Variants in FGD5 observed in about 807,000 individuals in gnomAD.
FGD5 encodes FYVE, RhoGEF and PH domain containing 5.
In FGD5, 28 loss-of-function variants were observed where a neutral mutation model predicts 133.4. The observed-to-expected ratio is 0.21, with a 90% confidence interval of 0.16 to 0.29. The LOEUF (loss-of-function observed/expected upper bound fraction) is 0.29. FGD5 is among the 10% of genes least tolerant of loss of function. The pLI, the probability that FGD5 is intolerant of heterozygous loss-of-function variation, is 1.00. For missense variants in FGD5, 1,858 were observed against 1,895.2 expected (o/e 0.98, Z 0.36); for synonymous variants, 810 against 776.5 (o/e 1.04, Z -0.72).
chr3:14,846,835 A>C (rs1194174637), intron 1 of FGD5, among the ~76,000 whole-genome samples: 1 of 152,240 alleles, frequency 6.6e-6, no homozygotes, highest in Non-Finnish European at 1.5e-5. Flanking sequence ...GGAAGAATGA[A>C]CCATGATGAA....
intron 11 of FGD5, among the ~76,000 whole-genome samples, chr3:14,913,959 A>G (rs1559503937): frequency 6.6e-6 from 1 of 151,606 alleles, no homozygotes; most frequent in Non-Finnish European, 1.5e-5. Context: ...CCCGTCTGGC[A>G]TGGCCCTTTA....
chr3:14,875,352 G>T (rs963007457), intron 2 of FGD5, among the ~76,000 whole-genome samples: 7 of 152,296 alleles, frequency 4.6e-5, no homozygotes, highest in Admixed American at 4.6e-4. Context: ...AGAGGCTGGC[G>T]CATACGGGGC....
At chr3:14,879,914 C>T (rs2037792862) in intron 2 of FGD5, among the ~76,000 whole-genome samples, 1 of 152,152 alleles carries the variant, frequency 6.6e-6, no homozygotes. Flanking sequence ...TACAGGGAAC[C>T]ACAGGTTGCT....
At chr3:14,836,432 T>G (rs7621981) in intron 1 of FGD5, among the ~76,000 whole-genome samples, 75,449 of 151,632 alleles carry the variant, frequency 0.5, 19,246 homozygotes, top group Non-Finnish European at 0.54. Flanking sequence ...GCCTCTGGGG[T>G]GAGGAGACCT....
At chr3:14,836,976 T>A (rs780200824) in intron 1 of FGD5, among the ~76,000 whole-genome samples, 1 of 152,128 alleles carries the variant, frequency 6.6e-6, no homozygotes, top group Non-Finnish European at 1.5e-5. Flanking sequence ...GGGGACCACA[T>A]GCACAGAAGC....
intron 1 of FGD5, among the ~76,000 whole-genome samples, chr3:14,855,445 A>C (rs1332245201): frequency 6.6e-6 from 1 of 152,184 alleles, no homozygotes. Flanking sequence ...TGTTCTCCAT[A>C]GTGGCTCTAC....
At chr3:14,852,391 C>T (rs969099309) in intron 1 of FGD5, among the ~76,000 whole-genome samples, 3 of 152,174 alleles carry the variant, frequency 2.0e-5, no homozygotes, top group African/African-American at 7.2e-5. Flanking sequence ...TAGGCAAATC[C>T]GTAGAGACGG....
intron 2 of FGD5, among the ~76,000 whole-genome samples, chr3:14,869,448 A>G (rs564713809): frequency 1.3e-5 from 2 of 152,344 alleles, no homozygotes; most frequent in Admixed American, 6.5e-5. Flanking sequence ...TACACATAAC[A>G]TAAAATCCAC....
chr3:14,870,597 C>CCT (rs1180056764), intron 2 of FGD5, among the ~76,000 whole-genome samples: 1 of 152,166 alleles, frequency 6.6e-6, no homozygotes, highest in African/African-American at 2.4e-5. Flanking sequence ...CTGTCTTAGG[C>CCT]ATTTCCCAAG....
chr3:14,868,560 T>G (rs1052279697), intron 2 of FGD5, among the ~76,000 whole-genome samples: 4 of 152,242 alleles, frequency 2.6e-5, no homozygotes, highest in Non-Finnish European at 4.4e-5. Context: ...ACTTTCTCTG[T>G]GCTATGGACT....
chr3:14,851,444 A>T (rs1036296797), intron 1 of FGD5, among the ~76,000 whole-genome samples: 2 of 152,156 alleles, frequency 1.3e-5, no homozygotes, highest in African/African-American at 4.8e-5. Context: ...ACTGTCCTTT[A>T]CTGCAGTCCC....
chr3:14,921,960 A>C lies in FGD5; in HGVS notation c.3612A>C (p.Arg1204Ser), dbSNP rs1423217211. The change falls in exon 14 of 20, where the codon AGA becomes AGC. Residue 1204 changes from arginine (R) to serine (S), a missense_variant. Arg to Ser is a moderately radical substitution (Grantham distance 110). This residue lies in a region of FGD5 where 1,824 missense variants were observed against 1,848.9 expected (regional missense o/e 0.99). Transcript: ENST00000285046. ...ERDEWYGCLS[R>S]ALPEDYKAQA... ...ACGAGTGGTATGGCTGTCTGAGCAG[A>C]GCCCTCCCTGAGGACTACAAGGCCC... The C allele has an allele frequency of 6.4e-7, 1 of 1,572,248 alleles. No homozygotes were observed.
intron 2 of FGD5, among the ~76,000 whole-genome samples, chr3:14,866,470 C>A (rs17040424): frequency 0.091 from 13,860 of 152,054 alleles, 810 homozygotes; most frequent in East Asian, 0.3. Context: ...ACTCCCAGGA[C>A]TAAGGAGCTA....
intron 4 of FGD5, among the ~76,000 whole-genome samples, chr3:14,889,734 A>G (rs2037989722): frequency 6.6e-6 from 1 of 152,142 alleles, no homozygotes; most frequent in Non-Finnish European, 1.5e-5. Flanking sequence ...ACTTGTGGCC[A>G]TTCTGCTGAT....
intron 2 of FGD5, among the ~76,000 whole-genome samples, chr3:14,873,910 T>G (rs1467025715): frequency 6.6e-6 from 1 of 151,898 alleles, no homozygotes; most frequent in Non-Finnish European, 1.5e-5. Context: ...TTAGTAGAGA[T>G]GGGGTTTCAC....
At chr3:14,874,148 C>T (rs1446873898) in intron 2 of FGD5, among the ~76,000 whole-genome samples, 2 of 152,212 alleles carry the variant, frequency 1.3e-5, no homozygotes, top group African/African-American at 4.8e-5. Context: ...TGTGAATGAA[C>T]TTGGAGGGCT....
chr3:14,822,117 G>GAAAAGA (rs1451461331), intron 1 of FGD5, among the ~76,000 whole-genome samples: 1 of 148,306 alleles, frequency 6.7e-6, no homozygotes, highest in African/African-American at 2.6e-5. Flanking sequence ...AAAAAAAAAA[G>GAAAAGA]AAAAGAAAAA....
At chr3:14,864,029 T>A in intron 1 of FGD5, 99 bp from the exon 2 acceptor site, 1 of 1,523,508 alleles carries the variant, frequency 6.6e-7, no homozygotes, top group South Asian at 1.2e-5. Flanking sequence ...TCTTACTACT[T>A]GTTTTCTGTC....
chr3:14,852,656 G>T (rs1194086335), intron 1 of FGD5, among the ~76,000 whole-genome samples: 5 of 152,222 alleles, frequency 3.3e-5, no homozygotes, highest in Admixed American at 1.3e-4. Context: ...GTTTTAAGAG[G>T]AGGGGTGGGG....
Sources: gnomAD v4.1 joint callset for allele counts (sites outside exome capture counted in the v4.1 genomes callset) on GRCh38, gnomAD v4.1.1 for gene constraint, gnomAD v4.1.1 regional missense constraint, MANE v1.5 for transcripts, NCBI Gene and HGNC (gene_info 2026-07-23, HGNC 2026-07-21) for gene names.